Variants in CAMTA1 observed in about 807,000 individuals in gnomAD.
The protein encoded by CAMTA1 is calmodulin binding transcription activator 1.
A neutral mutation model predicts 170.9 loss-of-function variants in CAMTA1; 27 were observed. The ratio of observed to expected loss-of-function variants is 0.16; its 90% confidence interval spans 0.12 to 0.22. CAMTA1 has a LOEUF of 0.22. Ranked by LOEUF, CAMTA1 falls within the 10% of genes least tolerant of loss-of-function variation. The pLI is 1.00. For synonymous variants in CAMTA1, 833 were observed against 891.5 expected (o/e 0.93, Z 1.17); for missense variants, 1,619 against 2,217.2 (o/e 0.73, Z 5.42).
rs1646170742 is a variant in CAMTA1, at chr1:7,146,155, G to T, written c.302+54784G>T. Among the ~76,000 whole-genome samples, 1 of 151,630 alleles carries T rather than the reference G, an allele frequency of 6.6e-6. No homozygotes were observed. The highest frequency in any genetic ancestry group is 2.4e-5 in the African/African-American group (1 of 41,238). On this transcript the variant is annotated intron_variant, in intron 4 of 22. Coordinates refer to ENST00000303635, the MANE Select transcript of CAMTA1 (RefSeq NM_015215.4). This position sits in a 1 kb window ranked among gnomAD's most constrained non-coding sequence, Gnocchi z 4.3. The stretch of plus-strand genomic sequence containing the variant: ...TCCCCTGGGGATGGGCAGTCATGGT[G>T]CTTCCCCGCCCTGGGCAGCTGCTTA...
chr1:7,646,310 G>T (rs2095803553), intron 7 of CAMTA1, among the ~76,000 whole-genome samples: 1 of 150,690 alleles, frequency 6.6e-6, no homozygotes, highest in East Asian at 2.0e-4. Context: ...TTGGGTGGAG[G>T]CCCTGGTGAG....
intron 11 of CAMTA1, among the ~76,000 whole-genome samples, chr1:7,713,491 T>C (rs1274225141): frequency 6.6e-6 from 1 of 151,630 alleles, no homozygotes; most frequent in Admixed American, 6.6e-5. Context: ...ACACCTACTA[T>C]TGGCGATTAT....
At chr1:7,407,343 A>C (rs998666428) in intron 5 of CAMTA1, among the ~76,000 whole-genome samples, 1 of 152,162 alleles carries the variant, frequency 6.6e-6, no homozygotes, top group Non-Finnish European at 1.5e-5. Context: ...GGGAGGGCAC[A>C]GGCTGTCTTG....
chr1:7,015,300 T>A (rs1363466711), intron 3 of CAMTA1, among the ~76,000 whole-genome samples: 1 of 152,140 alleles, frequency 6.6e-6, no homozygotes, highest in Non-Finnish European at 1.5e-5. Flanking sequence ...TATTCCTCAC[T>A]GAGCCAGACA....
chr1:7,640,498 G>C lies in CAMTA1; in HGVS notation c.609G>C (p.Lys203Asn). 1 of 1,614,214 alleles carries C rather than the reference G, an allele frequency of 6.2e-7. No individual in the cohort carries two copies. Residue 203 changes from lysine to asparagine, a missense_variant, in exon 7 of 23, where the codon AAG (lysine) becomes AAC (asparagine). By Grantham distance (94) the Lys-to-Asn change is moderately conservative. Around this residue, in one of 8 missense-constraint regions of CAMTA1, gnomAD observed 97 missense variants for 225.4 expected, o/e 0.43. Coordinates refer to ENST00000303635, the MANE Select transcript of CAMTA1 (RefSeq NM_015215.4). ...TCCTCTGCTCCATCAACACCGACAA[G>C]AAGGAGTGGGCGAAATGGACGAAAG... ...GPILCSINTD[K>N]KEWAKWTKEE... is the part of the protein sequence containing the mutation.
At chr1:6,907,464 C>T (rs1339452525) in intron 3 of CAMTA1, among the ~76,000 whole-genome samples, 1 of 152,184 alleles carries the variant, frequency 6.6e-6, no homozygotes, top group Admixed American at 6.5e-5. Context: ...CTCAAGAACA[C>T]TTCCCCAGCA....
At chr1:7,200,767 C>A (rs1656526174) in intron 4 of CAMTA1, among the ~76,000 whole-genome samples, 1 of 152,122 alleles carries the variant, frequency 6.6e-6, no homozygotes, top group South Asian at 2.1e-4. Context: ...TGGTTGCCTG[C>A]CAGGTTTCTC....
chr1:6,797,636 C>T (rs1169477378), intron 1 of CAMTA1, among the ~76,000 whole-genome samples: 1 of 151,814 alleles, frequency 6.6e-6, no homozygotes, highest in East Asian at 1.9e-4. Flanking sequence ...ATCTGCCTGC[C>T]TCTGCCTCCC....
chr1:7,654,974 A>C (rs1442340109), intron 7 of CAMTA1, among the ~76,000 whole-genome samples: 1 of 137,438 alleles, frequency 7.3e-6, no homozygotes, highest in Non-Finnish European at 1.5e-5. Flanking sequence ...CCACCTATAC[A>C]CACACACCTA....
chr1:7,494,001 G>A (rs1024372403), intron 6 of CAMTA1, among the ~76,000 whole-genome samples: 2 of 152,192 alleles, frequency 1.3e-5, no homozygotes, highest in African/African-American at 4.8e-5. Flanking sequence ...GGCTAGCGGG[G>A]TAATTTAGGA....
rs1708708155 is a variant in CAMTA1 at position 7,064,472 on chromosome 1, G to T, written c.235-26832G>T. ...CCATAGCAGTCAGTAAATAGATAAA[G>T]CGAATTTCCCTGGTGGGAAGTGCTG... On this transcript the variant is annotated intron_variant, in intron 3 of 22. Coordinates refer to ENST00000303635, the MANE Select transcript of CAMTA1 (RefSeq NM_015215.4). This position sits in a 1 kb window ranked among gnomAD's most constrained non-coding sequence, Gnocchi z 5.4. Among the ~76,000 whole-genome samples, 1 of 152,184 alleles carries T rather than the reference G, an allele frequency of 6.6e-6. No homozygotes were observed. Among genetic ancestry groups the T allele is most frequent in the African/African-American group, 2.4e-5 (1 of 41,446 alleles).
rs570204480 is a variant in CAMTA1, at chr1:7,624,882, G to A, written c.511-15518G>A. Among the ~76,000 whole-genome samples, 3 of 152,308 alleles carry A rather than the reference G, an allele frequency of 2.0e-5. No individual in the cohort carries two copies. In the East Asian group the frequency reaches 5.8e-4, roughly 29 times the overall value. On this transcript the variant is annotated intron_variant, in intron 6 of 22. Coordinates refer to ENST00000303635, the MANE Select transcript of CAMTA1 (RefSeq NM_015215.4). ...GTCCCAAAGGGAATGAAATTATTTT[G>A]GTTGGAAGGATAAAGGGAGGCTGGA...
intron 3 of CAMTA1, among the ~76,000 whole-genome samples, chr1:6,865,749 T>C (rs1229468800): frequency 6.6e-6 from 1 of 152,214 alleles, no homozygotes; most frequent in African/African-American, 2.4e-5. Flanking sequence ...ACTGTTCTCA[T>C]GTTGTAAATG....
intron 3 of CAMTA1, among the ~76,000 whole-genome samples, chr1:7,089,003 G>A (rs997088972): frequency 2.0e-5 from 3 of 152,182 alleles, no homozygotes; most frequent in African/African-American, 4.8e-5. Flanking sequence ...GGTGCTGTCC[G>A]GGGTGGTGGA....
intron 3 of CAMTA1, among the ~76,000 whole-genome samples, chr1:6,893,762 G>A (rs1675066413): frequency 6.6e-6 from 1 of 152,122 alleles, no homozygotes; most frequent in South Asian, 2.1e-4. Context: ...TCTGTATTCC[G>A]TTTGTCAGGC....
At chr1:7,015,929 G>A (rs1700466705) in intron 3 of CAMTA1, among the ~76,000 whole-genome samples, 1 of 152,316 alleles carries the variant, frequency 6.6e-6, no homozygotes, top group Non-Finnish European at 1.5e-5. Flanking sequence ...GACAGGTGCT[G>A]CACACCTTCA....
chr1:7,263,186 T>C (rs1668426042), intron 5 of CAMTA1, among the ~76,000 whole-genome samples: 1 of 152,182 alleles, frequency 6.6e-6, no homozygotes, highest in Admixed American at 6.5e-5. Context: ...CGTCTATAAC[T>C]TTTTTTAAGC....
intron 11 of CAMTA1, among the ~76,000 whole-genome samples, chr1:7,717,500 C>A (rs1288806672): frequency 6.6e-6 from 1 of 152,088 alleles, no homozygotes; most frequent in Non-Finnish European, 1.5e-5. Flanking sequence ...AATCTCAGCA[C>A]TTTGGGAGGC....
chr1:7,058,675 C>T (rs1572752564), intron 3 of CAMTA1, among the ~76,000 whole-genome samples: 2 of 152,090 alleles, frequency 1.3e-5, no homozygotes, highest in Non-Finnish European at 1.5e-5. Context: ...TCAGAGGTGA[C>T]GTCTGGATGG....
Sources: gnomAD v4.1 joint callset for allele counts (sites outside exome capture counted in the v4.1 genomes callset) on GRCh38, gnomAD v4.1.1 for gene constraint, gnomAD v4.1.1 regional missense constraint, Gnocchi (gnomAD v3.1) non-coding constraint, MANE v1.5 for transcripts, NCBI Gene and HGNC (gene_info 2026-07-23, HGNC 2026-07-21) for gene names.